AAK1: variants seen among roughly 807,000 people sequenced by gnomAD.
The protein encoded by AAK1 is AP2-associated protein kinase 1.
In AAK1, 37 loss-of-function variants were observed where a neutral mutation model predicts 116.0. That is an observed-to-expected ratio of 0.32 (90% confidence interval 0.25 to 0.42). AAK1 has a LOEUF of 0.42. Among genes scored for constraint, AAK1 ranks in the 10% least tolerant of loss-of-function variants. AAK1 has a pLI of 1.00. For synonymous variants in AAK1, 458 were observed against 439.9 expected, an observed-to-expected ratio of 1.04 and a Z score of -0.51; for missense variants, 919 against 1,170.6, an observed-to-expected ratio of 0.79 and a Z score of 3.14.
At chr2:69,526,461 T>C (rs1305182919) in intron 9 of AAK1, among the ~76,000 whole-genome samples, 1 of 152,158 alleles carries the variant, frequency 6.6e-6, no homozygotes, top group African/African-American at 2.4e-5. Flanking sequence ...AATCACAATA[T>C]GACATGAAAA....
At chr2:69,561,606 C>T (rs996333757) in intron 2 of AAK1, among the ~76,000 whole-genome samples, 1 of 152,156 alleles carries the variant, frequency 6.6e-6, no homozygotes, top group African/African-American at 2.4e-5. Context: ...TTTATATCAA[C>T]TTCATATATT....
chr2:69,550,373 C>T (rs186154484), intron 3 of AAK1, among the ~76,000 whole-genome samples: 1,664 of 152,108 alleles, frequency 0.011, 36 homozygotes, highest in African/African-American at 0.038. Flanking sequence ...GGCGCAATCT[C>T]AGCTCACTGC....
Position 69,467,422 on chromosome 2 carries a change from A to G in AAK1, c.*8447T>C. On this transcript the variant is annotated 3_prime_UTR_variant, in exon 22 of 22. Coordinates refer to ENST00000409085, the MANE Select transcript of AAK1 (RefSeq NM_014911.5). ...AGAATGCAAGAGAGCTTACCTTCCA[A>G]GAAATATTAGCAGGTTAGAAGTATG... 2.0e-6 allele frequency: 2 copies of G among 985,476 alleles called. No homozygotes were observed. Among genetic ancestry groups the G allele is most frequent in the Non-Finnish European group, 2.4e-6 (2 of 829,936 alleles). The allele number at this position is 985,476 out of a possible 1,614,324, so 61.0% of individuals were successfully genotyped here. A position where few individuals can be genotyped will look rare whatever the true frequency, so the allele number is the denominator to read the frequency against.
At chr2:69,520,343 C>CG (rs1483447670) in intron 11 of AAK1, among the ~76,000 whole-genome samples, 1 of 149,614 alleles carries the variant, frequency 6.7e-6, no homozygotes, top group South Asian at 2.1e-4. Flanking sequence ...CAGCCATTTG[C>CG]GATACAATTC....
chr2:69,541,349 G>A lies in AAK1; in HGVS notation c.534+1174C>T, dbSNP rs867277262. Among the ~76,000 whole-genome samples, 9 of 148,728 alleles carry A rather than the reference G, an allele frequency of 6.1e-5. No individual in the cohort carries two copies. The South Asian group carries it at 6.5e-4, about 11-fold the overall frequency. On this transcript the variant is annotated intron_variant, in intron 5 of 21. Transcript: ENST00000409085. ...AGGTGCAAGTGATTCTCATGCCTCC[G>A]CCTCCTGAGTACCTGGGACTATAGG...
rs1670217818 is a variant in AAK1 at position 69,530,646 on chromosome 2, G to A, written c.717C>T (p.Ile239=). ...CTACCCAAATGTCTGCCTTCGTAGT[G>A]ATGATTTTGCCACTGTACAGGTTGA... The part of the protein sequence containing the change: ...EMVNLYSGKI[I]TTKADIWALG... Residue 239 remains isoleucine, a synonymous_variant, in exon 7 of 22, where the codon ATC becomes ATT. Coordinates refer to ENST00000409085, the MANE Select transcript of AAK1 (RefSeq NM_014911.5). The A allele has an allele frequency of 6.2e-7, 1 of 1,613,696 alleles. No individual in the cohort carries two copies. The highest frequency in any genetic ancestry group is 8.5e-7 in the Non-Finnish European group (1 of 1,179,652).
intron 2 of AAK1, among the ~76,000 whole-genome samples, chr2:69,580,429 C>G (rs553133977): frequency 9.2e-4 from 140 of 152,258 alleles, no homozygotes; most frequent in Non-Finnish European, 1.8e-4. Context: ...ACTTAAACTA[C>G]AGCAAGTGAA....
At chr2:69,552,804 C>T (rs1451062060) in intron 3 of AAK1, among the ~76,000 whole-genome samples, 1 of 151,654 alleles carries the variant, frequency 6.6e-6, no homozygotes, top group African/African-American at 2.4e-5. Context: ...GAGAGCTAGG[C>T]AAAGATTTCT....
intron 17 of AAK1, among the ~76,000 whole-genome samples, chr2:69,489,999 T>C (rs569320941): frequency 1.3e-5 from 2 of 152,334 alleles, no homozygotes; most frequent in East Asian, 3.9e-4. Flanking sequence ...GTCTTGACTA[T>C]AAACTTTTGA....
At chr2:69,542,439 A>G in intron 5 of AAK1, 84 bp downstream of exon 5, 1 of 1,506,434 alleles carries the variant, frequency 6.6e-7, no homozygotes, top group Middle Eastern at 1.8e-4. Context: ...AATTTCTCTC[A>G]TATCCCCACA....
At chr2:69,539,470 G>A in intron 5 of AAK1, among the ~76,000 whole-genome samples, 1 of 152,150 alleles carries the variant, frequency 6.6e-6, no homozygotes, top group East Asian at 1.9e-4. Context: ...GTGCCCACCA[G>A]CCACATTTCT....
intron 3 of AAK1, among the ~76,000 whole-genome samples, chr2:69,550,730 C>T (rs1363816942): frequency 6.6e-6 from 1 of 152,132 alleles, no homozygotes; most frequent in East Asian, 1.9e-4. Flanking sequence ...ATTCTCTTGC[C>T]TCAGCCTCCT....
intron 2 of AAK1, among the ~76,000 whole-genome samples, chr2:69,605,823 C>T (rs1673775351): frequency 6.6e-6 from 1 of 152,128 alleles, no homozygotes; most frequent in African/African-American, 2.4e-5. Context: ...CCCCACACTG[C>T]CCCTAATTCC....
Position 69,626,360 on chromosome 2 carries a change from C to T in AAK1, c.163+16518G>A, listed in dbSNP as rs1674896456. Among the ~76,000 whole-genome samples the T allele has an allele frequency of 2.0e-5, 3 of 151,916 alleles. No individual in the cohort carries two copies. In the South Asian group the frequency reaches 6.2e-4, roughly 31 times the overall value. On this transcript the variant is annotated intron_variant, in intron 2 of 21. Transcript: ENST00000409085. ...ACTGCCACCTGGACTTCAGTCACTG[C>T]TCCACAGAAACTGCTAACGAAGCTC...
chr2:69,591,521 T>C (rs577984919), intron 2 of AAK1, among the ~76,000 whole-genome samples: 32 of 137,246 alleles, frequency 2.3e-4, no homozygotes, highest in Non-Finnish European at 3.8e-4. Flanking sequence ...TTTTTTCTTT[T>C]TCTTTTTTTT....
At chr2:69,534,462 T>C (rs1471754872) in intron 5 of AAK1, among the ~76,000 whole-genome samples, 3 of 152,218 alleles carry the variant, frequency 2.0e-5, no homozygotes, top group South Asian at 4.1e-4. Flanking sequence ...GCCCCCACAA[T>C]AGAAATCTAG....
Position 69,474,444 on chromosome 2 carries a change from G to C in AAK1, c.*1425C>G, listed in dbSNP as rs746357377. The C allele has an allele frequency of 3.6e-5, 35 of 985,538 alleles. No homozygotes were observed. Among genetic ancestry groups the C allele is most frequent in the Non-Finnish European group, 4.0e-5 (33 of 829,900 alleles). 61.0% of individuals were successfully genotyped at this position (985,538 alleles called of 1,614,324 possible). A position where few individuals can be genotyped will look rare whatever the true frequency, so the allele number is the denominator to read the frequency against. On this transcript the variant is annotated 3_prime_UTR_variant, in exon 22 of 22. Transcript: ENST00000409085. ...TTTAATGAGTAAGTACATATAGAGA[G>C]GGTGACCATGAGGCATGTTGTCATG...
At chr2:69,637,555 A>G (rs549616363) in intron 2 of AAK1, among the ~76,000 whole-genome samples, 1 of 152,310 alleles carries the variant, frequency 6.6e-6, no homozygotes, top group African/African-American at 2.4e-5. Flanking sequence ...AGTCTCTGCT[A>G]GCTCACAGTG....
At chr2:69,585,160 G>A (rs557371060) in intron 2 of AAK1, among the ~76,000 whole-genome samples, 2 of 152,216 alleles carry the variant, frequency 1.3e-5, no homozygotes, top group African/African-American at 4.8e-5. Flanking sequence ...ATTATAAGAA[G>A]AGACTATTCT....
Sources: gnomAD v4.1 joint callset for allele counts (sites outside exome capture counted in the v4.1 genomes callset) on GRCh38, gnomAD v4.1.1 for gene constraint, MANE v1.5 for transcripts, NCBI Gene and HGNC (gene_info 2026-07-23, HGNC 2026-07-21) for gene names.